The following ASIC2 variants were observed in gnomAD, a reference collection of about 807,000 sequenced individuals.
ASIC2 encodes acid-sensing ion channel 2.
A neutral mutation model predicts 57.3 loss-of-function variants in ASIC2; 25 were observed. The observed-to-expected ratio is 0.44, with a 90% CI of 0.32 to 0.61. The LOEUF (loss-of-function observed/expected upper bound fraction) is 0.61. ASIC2 is among the 20% of genes least tolerant of loss of function. The pLI is 0.06. For synonymous variants in ASIC2, 319 were observed against 307.5 expected (o/e 1.04, Z -0.39); for missense variants, 641 against 738.1 (o/e 0.87, Z 1.52).
intron 1 of ASIC2, among the ~76,000 whole-genome samples, chr17:34,091,733 T>C (rs970638592): frequency 6.6e-6 from 1 of 152,188 alleles, no homozygotes; most frequent in Non-Finnish European, 1.5e-5. Context: ...TGAATCAAAG[T>C]GAAAATGAGT....
intron 1 of ASIC2, among the ~76,000 whole-genome samples, chr17:33,805,629 T>G (rs539530883): frequency 6.6e-6 from 1 of 152,204 alleles, no homozygotes; most frequent in Non-Finnish European, 1.5e-5. Flanking sequence ...GTAAAAGACT[T>G]AGCATCACTG....
At chr17:33,641,088 T>C (rs1906548684) in intron 1 of ASIC2, among the ~76,000 whole-genome samples, 2 of 152,178 alleles carry the variant, frequency 1.3e-5, no homozygotes, top group South Asian at 4.1e-4. Flanking sequence ...GGGCTGCCTA[T>C]TTCTGCTACA....
intron 1 of ASIC2, chr17:33,533,611 A>T (rs148871511): frequency 6.6e-6 from 1 of 152,214 alleles, no homozygotes; most frequent in East Asian, 1.9e-4. Flanking sequence ...TTACCTGTCA[A>T]ATAAGGATAA....
intron 1 of ASIC2, among the ~76,000 whole-genome samples, chr17:33,151,181 GCACACACACACACACACACGCGCGCACA>G (rs1311215064): frequency 2.0e-5 from 3 of 146,854 alleles, no homozygotes; most frequent in Admixed American, 1.4e-4. Context: ...ACACACACAC[GCACACACACACACACACACGCGCGCACA>G]CACACACACA....
chr17:33,927,075 T>C (rs1915838684), intron 1 of ASIC2, among the ~76,000 whole-genome samples: 2 of 152,122 alleles, frequency 1.3e-5, no homozygotes, highest in Admixed American at 6.5e-5. Flanking sequence ...ATTACAGTCA[T>C]GTGCCAACAT....
At chr17:33,551,168 G>A (rs935816741) in intron 1 of ASIC2, among the ~76,000 whole-genome samples, 8 of 152,266 alleles carry the variant, frequency 5.3e-5, no homozygotes, top group East Asian at 1.9e-4. Context: ...ACATTTGGTC[G>A]GATGTCTTTT....
At chr17:33,357,545 T>G (rs1908433671) in intron 1 of ASIC2, among the ~76,000 whole-genome samples, 1 of 152,172 alleles carries the variant, frequency 6.6e-6, no homozygotes, top group African/African-American at 2.4e-5. Flanking sequence ...AGACCACCTT[T>G]CCTGCCTTCT....
intron 1 of ASIC2, among the ~76,000 whole-genome samples, chr17:33,642,222 A>G (rs1388619897): frequency 1.0e-5 from 1 of 97,978 alleles, no homozygotes; most frequent in African/African-American, 3.4e-5. Context: ...CCCCCCCCCC[A>G]CACACAATGG....
At chr17:34,039,697 T>G (rs937878865) in intron 1 of ASIC2, 99 of 1,612,206 alleles carry the variant, frequency 6.1e-5, no homozygotes, top group Middle Eastern at 1.6e-4. Flanking sequence ...ATTTCGCTGG[T>G]CATTCTGCTT....
chr17:33,515,302 C>A (rs139630356), intron 1 of ASIC2, among the ~76,000 whole-genome samples: 17 of 152,314 alleles, frequency 1.1e-4, no homozygotes, highest in African/African-American at 3.8e-4. Flanking sequence ...TCCCAACCAG[C>A]CTTGGCTGGC....
At chr17:33,409,250 C>T (rs1910573022) in intron 1 of ASIC2, among the ~76,000 whole-genome samples, 1 of 152,130 alleles carries the variant, frequency 6.6e-6, no homozygotes, top group Non-Finnish European at 1.5e-5. Context: ...TCCACTCCTG[C>T]ATTTCCTCCA....
chr17:33,461,676 T>C (rs889968804), intron 1 of ASIC2, among the ~76,000 whole-genome samples: 4 of 152,158 alleles, frequency 2.6e-5, no homozygotes, highest in Admixed American at 6.5e-5. Context: ...CTAGAATCTC[T>C]TGTTAAGTAC....
chr17:33,989,151 T>C (rs1234954703), intron 1 of ASIC2, among the ~76,000 whole-genome samples: 1 of 152,060 alleles, frequency 6.6e-6, no homozygotes, highest in Non-Finnish European at 1.5e-5. Flanking sequence ...TGAGACATGA[T>C]GTTAAACAGA....
At chr17:33,614,106 C>T (rs1219256623) in intron 1 of ASIC2, among the ~76,000 whole-genome samples, 1 of 152,090 alleles carries the variant, frequency 6.6e-6, no homozygotes, top group East Asian at 1.9e-4. Context: ...TCAGCTGCAC[C>T]GGGTTTTAAT....
rs2092259944 is a variant in ASIC2 at position 33,111,964 on chromosome 17, A to G, written c.812T>C (p.Met271Thr). ...GTACTCATCCTGCTGAATGTCCAGC[A>G]TGATCTCCAGCCCGTTGCCTGTCCC... is the stretch of plus-strand genomic sequence containing the variant. ...KGGTGNGLEI[M>T]LDIQQDEYLP... is the part of the protein sequence containing the mutation. Residue 271 changes from methionine to threonine, a missense_variant, in exon 2 of 10, where the codon ATG becomes ACG. Physicochemically the swap from Met to Thr is moderately conservative, Grantham distance 81. Around this residue, in one of 3 missense-constraint regions of ASIC2, gnomAD observed 382 missense variants for 398.0 expected, o/e 0.96. Coordinates refer to ENST00000225823, the MANE Select transcript of ASIC2 (RefSeq NM_183377.2). The G allele has an allele frequency of 1.2e-6, 2 of 1,614,104 alleles. No homozygotes were observed. Among genetic ancestry groups the G allele is most frequent in the Non-Finnish European group, 8.5e-7 (1 of 1,180,004 alleles).
chr17:33,189,672 C>A (rs1301967526), intron 1 of ASIC2, among the ~76,000 whole-genome samples: 1 of 151,994 alleles, frequency 6.6e-6, no homozygotes, highest in Non-Finnish European at 1.5e-5. Flanking sequence ...GATTTCAGAG[C>A]AAAGAATATG....
At chr17:33,230,060 C>G (rs1301406841) in intron 1 of ASIC2, among the ~76,000 whole-genome samples, 4 of 152,274 alleles carry the variant, frequency 2.6e-5, no homozygotes, top group Non-Finnish European at 5.9e-5. Flanking sequence ...CTGTTCCCTC[C>G]CCTGCATCCC....
chr17:34,124,980 G>C (rs1346803777), intron 1 of ASIC2, among the ~76,000 whole-genome samples: 1 of 151,644 alleles, frequency 6.6e-6, no homozygotes, highest in African/African-American at 2.4e-5. Flanking sequence ...GAAATGTCCT[G>C]TTCACCCACA....
At chr17:34,109,030 A>ATTTAT (rs1232318422) in intron 1 of ASIC2, among the ~76,000 whole-genome samples, 8 of 48,360 alleles carry the variant, frequency 1.7e-4, no homozygotes, top group Non-Finnish European at 4.2e-4. Context: ...TTATTTGTTG[A>ATTTAT]TTTATTTTAT....
Sources: gnomAD v4.1 joint callset for allele counts (sites outside exome capture counted in the v4.1 genomes callset) on GRCh38, gnomAD v4.1.1 for gene constraint, gnomAD v4.1.1 regional missense constraint, MANE v1.5 for transcripts, NCBI Gene and HGNC (gene_info 2026-07-23, HGNC 2026-07-21) for gene names.